The following SYTL2 variants were observed in gnomAD, a reference collection of about 807,000 sequenced individuals.
SYTL2 encodes the protein synaptotagmin-like protein 2.
SYTL2 carries 165 observed loss-of-function variants against 198.7 expected under a neutral mutation model. The observed-to-expected ratio is 0.83, with a 90% CI of 0.73 to 0.94. The LOEUF is 0.94. Among genes scored for constraint, SYTL2 ranks in the 40% least tolerant of loss-of-function variants. The probability of loss-of-function intolerance (pLI) is 0.00; values close to 1 mark genes in which losing one functional copy is unlikely to be tolerated. For synonymous variants in SYTL2, 966 were observed against 917.7 expected, an observed-to-expected ratio of 1.05 and a Z score of -0.95; for missense variants, 2,835 against 2,582.8, an observed-to-expected ratio of 1.10 and a Z score of -2.12.
intron 1 of SYTL2, among the ~76,000 whole-genome samples, chr11:85,793,311 G>A (rs1331034536): frequency 3.3e-5 from 5 of 152,028 alleles, no homozygotes; most frequent in Admixed American, 3.3e-4. Context: ...ACTTTTTAAT[G>A]ATTGCCATTC....
At chr11:85,728,461 A>G (rs926134845) in intron 7 of SYTL2, among the ~76,000 whole-genome samples, 3 of 151,892 alleles carry the variant, frequency 2.0e-5, no homozygotes, top group African/African-American at 7.3e-5. Flanking sequence ...TAATTTTTGT[A>G]TTTTTAGTAG....
chr11:85,712,472 G>A (rs2086474589), intron 12 of SYTL2, among the ~76,000 whole-genome samples: 1 of 151,996 alleles, frequency 6.6e-6, no homozygotes, highest in African/African-American at 2.4e-5. Context: ...AGTCTCAAAG[G>A]GAACAGATGA....
At chr11:85,816,805 T>C in the SYTL2 span, among the ~76,000 whole-genome samples, 13 of 150,584 alleles carry the variant, frequency 8.6e-5, no homozygotes, top group Middle Eastern at 3.5e-3. Context: ...TCCCAGCTAC[T>C]CAGGAGACTG....
chr11:85,812,575 G>A (rs192485891), upstream of SYTL2, among the ~76,000 whole-genome samples: 20 of 152,308 alleles, frequency 1.3e-4, no homozygotes, highest in African/African-American at 4.8e-4. Flanking sequence ...GAGTCACTAC[G>A]CTGAAGGAGG....
chr11:85,805,820 C>A (rs2092951822), intron 1 of SYTL2, among the ~76,000 whole-genome samples: 2 of 152,238 alleles, frequency 1.3e-5, no homozygotes, highest in Non-Finnish European at 2.9e-5. Context: ...TTATATCTAC[C>A]TACCCCCAAA....
At chr11:85,792,149 T>C (rs753336684) in intron 1 of SYTL2, among the ~76,000 whole-genome samples, 4 of 152,022 alleles carry the variant, frequency 2.6e-5, no homozygotes, top group Non-Finnish European at 5.9e-5. Flanking sequence ...TATTGCTCTG[T>C]AGGAGGTCAG....
chr11:85,745,518 C>T (rs61908788), intron 4 of SYTL2, 119 bp downstream of exon 4: 3 of 1,148,598 alleles, frequency 2.6e-6, no homozygotes, highest in Admixed American at 2.2e-5. Context: ...TACACTGCCC[C>T]TTCCCCATGC....
chr11:85,728,444 G>T (rs594892), intron 7 of SYTL2, among the ~76,000 whole-genome samples: 4 of 151,580 alleles, frequency 2.6e-5, no homozygotes, highest in Non-Finnish European at 5.9e-5. Context: ...GCACCACCAC[G>T]CTCAGCTAAT....
intron 1 of SYTL2, among the ~76,000 whole-genome samples, chr11:85,806,820 T>G (rs2092964937): frequency 6.6e-6 from 1 of 152,220 alleles, no homozygotes; most frequent in Non-Finnish European, 1.5e-5. Context: ...AGAAGGACCC[T>G]CATCTGGTCC....
chr11:85,818,164 A>G, the SYTL2 span, among the ~76,000 whole-genome samples: 2 of 151,952 alleles, frequency 1.3e-5, no homozygotes, highest in Admixed American at 6.6e-5. Flanking sequence ...CAGCCTCCCA[A>G]AGTGCTGGTA....
chr11:85,717,330 A>G (rs1302156277), intron 11 of SYTL2, among the ~76,000 whole-genome samples, 153 bp downstream of exon 11: 1 of 152,230 alleles, frequency 6.6e-6, no homozygotes, highest in Non-Finnish European at 1.5e-5. Flanking sequence ...AATGTTTTCA[A>G]TAAAACCCTT....
chr11:85,726,350 T>C lies in SYTL2; in HGVS notation c.3008A>G (p.Asn1003Ser), dbSNP rs1188863689. 2 of 1,613,990 alleles carry C rather than the reference T, an allele frequency of 1.2e-6. No homozygotes were observed. The highest frequency in any genetic ancestry group is 1.7e-6 in the Non-Finnish European group (2 of 1,180,010). ...ATTTTTTTGGCTTGTGGTGGTAATA[T>C]TCTTGTCATTATCCTTACTGTTTGA... ...ANSNSKDNDK[N>S]ITTTSQKNSA... The change falls in exon 8 of 20, where the codon AAT becomes AGT. Residue 1003 changes from asparagine to serine, a missense_variant. Around this residue, in one of 3 missense-constraint regions of SYTL2, gnomAD observed 2,645 missense variants for 2,381.7 expected, o/e 1.11. Coordinates refer to ENST00000359152, the MANE Select transcript of SYTL2 (RefSeq NM_206927.4).
At position 85,748,382 on chromosome 11, in the gene SYTL2, T is replaced by C; in HGVS notation, c.143A>G (p.Asn48Ser). 6.2e-7 allele frequency: 1 copy of C among 1,614,066 alleles called. No individual in the cohort carries two copies. Among genetic ancestry groups the C allele is most frequent in the Non-Finnish European group, 8.5e-7 (1 of 1,179,950 alleles). ...TTCATAAAACCATTGGCCACTCATA[T>C]TCTTCAGCTGCTGGTCATCCTTAAT... ...EKIKDDQQLK[N>S]MSGQWFYEAK... The change falls in exon 3 of 20, where the codon AAT (asparagine) becomes AGT (serine). Residue 48 changes from asparagine (N) to serine (S), a missense_variant. Around this residue, in one of 3 missense-constraint regions of SYTL2, gnomAD observed 2,645 missense variants for 2,381.7 expected, o/e 1.11. Transcript: ENST00000359152.
chr11:85,711,139 A>G lies in SYTL2; in HGVS notation c.5719T>C (p.Ser1907Pro). Residue 1907 changes from serine to proline, a missense_variant, in exon 13 of 20, where the codon TCC becomes CCC. Coordinates refer to ENST00000359152, the MANE Select transcript of SYTL2 (RefSeq NM_206927.4). The part of the protein sequence containing the change: ...SPSSLTNLSS[S>P]SGMTSLSSVS... ...GAAGACAAGGACGTCATGCCAGAGG[A>G]GCTGCTAAGATTGGTTAAAGAGCTC... 1 of 1,614,086 alleles carries G rather than the reference A, an allele frequency of 6.2e-7. No individual in the cohort carries two copies. Among genetic ancestry groups the G allele is most frequent in the Non-Finnish European group, 8.5e-7 (1 of 1,179,976 alleles).
intron 11 of SYTL2, 65 bp downstream of exon 11, chr11:85,717,418 T>C (rs1217060831): frequency 7.4e-7 from 1 of 1,360,528 alleles, no homozygotes; most frequent in Non-Finnish European, 1.1e-6. Context: ...GGGTTAGTTA[T>C]TTCAGTATAT....
At chr11:85,766,628 C>T (rs1174139198) in intron 1 of SYTL2, among the ~76,000 whole-genome samples, 2 of 152,176 alleles carry the variant, frequency 1.3e-5, no homozygotes, top group African/African-American at 4.8e-5. Flanking sequence ...TGGCAGCATC[C>T]ACCGCAGGCC....
At chr11:85,777,216 G>A (rs1156645276) in intron 1 of SYTL2, among the ~76,000 whole-genome samples, 2 of 152,184 alleles carry the variant, frequency 1.3e-5, no homozygotes, top group Admixed American at 6.5e-5. Flanking sequence ...GCAGAAATGG[G>A]TGGCCCCAAG....
chr11:85,770,187 T>G (rs1421891470), intron 1 of SYTL2, among the ~76,000 whole-genome samples: 2 of 152,196 alleles, frequency 1.3e-5, no homozygotes, highest in African/African-American at 4.8e-5. Flanking sequence ...CCTAGCATGC[T>G]GCCTGGAACC....
intron 1 of SYTL2, among the ~76,000 whole-genome samples, chr11:85,781,747 T>C (rs2092563565): frequency 6.6e-6 from 1 of 152,144 alleles, no homozygotes; most frequent in African/African-American, 2.4e-5. Context: ...GGCAGTCAAA[T>C]CTTAAAGCTC....
Sources: allele counts gnomAD v4.1 joint callset (sites outside exome capture counted in the v4.1 genomes callset), GRCh38; gene constraint gnomAD v4.1.1; regional missense constraint gnomAD v4.1.1; transcripts MANE v1.5; gene names NCBI Gene and HGNC (gene_info 2026-07-23, HGNC 2026-07-21).